The following ZNF844 variants were observed in gnomAD, a reference collection of about 807,000 sequenced individuals.
ZNF844 encodes the protein zinc finger protein 844.
ZNF844 carries 11 observed loss-of-function variants against 11.4 expected under a neutral mutation model. That is an observed-to-expected ratio of 0.97 (90% CI 0.61 to 1.60). The LOEUF is 1.60. Among genes scored for constraint, ZNF844 ranks in the 40% most tolerant of loss-of-function variants. ZNF844 has a pLI of 0.00. For missense variants in ZNF844, 790 were observed against 796.8 expected (o/e 0.99, Z 0.10); for synonymous variants, 248 against 260.3 (o/e 0.95, Z 0.46).
intron 1 of ZNF844, among the ~76,000 whole-genome samples, chr19:12,067,204 A>G (rs554017810): frequency 8.6e-5 from 13 of 151,706 alleles, no homozygotes; most frequent in African/African-American, 2.7e-4. Context: ...CCTCTCAAGT[A>G]AAATAATAAT....
intron 1 of ZNF844, among the ~76,000 whole-genome samples, chr19:12,068,469 A>T (rs867138914): frequency 3.8e-4 from 57 of 151,868 alleles, no homozygotes; most frequent in African/African-American, 1.3e-3. Context: ...CTATTAAAAA[A>T]ATATATACAA....
At chr19:12,075,049 G>T (rs1168256550) in intron 3 of ZNF844, among the ~76,000 whole-genome samples, 1 of 152,116 alleles carries the variant, frequency 6.6e-6, no homozygotes, top group Non-Finnish European at 1.5e-5. Flanking sequence ...CCTGGATAAT[G>T]TTGAAAGTGC....
In ZNF844 at chr19:12,077,427, C is replaced by A; in HGVS notation, c.*306C>A. 1 of 657,932 alleles carries A rather than the reference C, an allele frequency of 1.5e-6. No individual in the cohort carries two copies. Among genetic ancestry groups the A allele is most frequent in the Non-Finnish European group, 2.8e-6 (1 of 354,620 alleles). The allele number at this position is 657,932 out of a possible 1,614,324, so 40.8% of individuals were successfully genotyped here. ...AGCCTTCATGTCTTCTACTGCATTT[C>A]AGTATCATGAAAAGACCCACACCAG... is the stretch of plus-strand genomic sequence containing the variant. On this transcript the variant is annotated 3_prime_UTR_variant, in exon 4 of 4. Coordinates refer to ENST00000439326, the MANE Select transcript of ZNF844 (RefSeq NM_001136501.3).
At chr19:12,071,303 C>A (rs888071521) in intron 1 of ZNF844, among the ~76,000 whole-genome samples, 3 of 152,130 alleles carry the variant, frequency 2.0e-5, no homozygotes, top group Admixed American at 6.5e-5. Context: ...TTTCCATGTG[C>A]CCCGAGAATA....
At chr19:12,067,644 C>T (rs1420480894) in intron 1 of ZNF844, among the ~76,000 whole-genome samples, 3 of 142,688 alleles carry the variant, frequency 2.1e-5, no homozygotes, top group Non-Finnish European at 4.5e-5. Context: ...AGGCCGGGCG[C>T]GGTGGCTCAC....
chr19:12,080,432 G>GC lies in ZNF844; in HGVS notation c.*3311_*3312insC. On this transcript the variant is annotated 3_prime_UTR_variant, in exon 4 of 4. Transcript: ENST00000439326. ...GAGGATGTCATAATACAATTCACCAGTGTCCTATCTTACATGCAATTTCAA... is the reference window on the plus strand; with the variant it reads ...GAGGATGTCATAATACAATTCACCAGCTGTCCTATCTTACATGCAATTTCAA... 2.9e-6 allele frequency: 1 copy of GC among 347,346 alleles called. No homozygotes were observed. Among genetic ancestry groups the GC allele is most frequent in the Non-Finnish European group, 5.5e-6 (1 of 180,858 alleles). 21.5% of individuals were successfully genotyped at this position (347,346 alleles called of 1,614,324 possible). A position where few individuals can be genotyped will look rare whatever the true frequency, so the allele number is the denominator to read the frequency against.
Position 12,076,566 on chromosome 19 carries a change from A to C in ZNF844, c.1446A>C (p.Val482=). 6 of 1,611,708 alleles carry C rather than the reference A, an allele frequency of 3.7e-6. No homozygotes were observed. The highest frequency in any genetic ancestry group is 5.1e-6 in the Non-Finnish European group (6 of 1,179,108). The change falls in exon 4 of 4, where the codon GTA becomes GTC. Residue 482 remains valine (V), a synonymous_variant. Transcript: ENST00000439326. ...ACCCTATGAATGTAAGCAGTGTGGT[A>C]AAGCCTTCATTTTTTCCACTTCCTT... The part of the protein sequence containing the change: ...KRNPMNVSSV[V]KPSFFPLPFD...
chr19:12,076,808 T>C lies in ZNF844; in HGVS notation c.1688T>C (p.Met563Thr), dbSNP rs377408590. The change falls in exon 4 of 4, where the codon ATG (methionine) becomes ACG (threonine). Residue 563 changes from methionine to threonine, a missense_variant. Met to Thr is a moderately conservative substitution (Grantham distance 81). Around this residue, in one of 3 missense-constraint regions of ZNF844, gnomAD observed 657 missense variants for 636.2 expected, o/e 1.03. Transcript: ENST00000439326. Reference protein sequence around the residue: ...HTLERNPIRNMEKHSTISLPF... With the variant: ...HTLERNPIRNTEKHSTISLPF... ...CTGGAGAGAAACCCTATAAGGAATA[T>C]GGAAAAGCATTCAACAATTTCTCTT... The C allele has an allele frequency of 6.4e-7, 1 of 1,562,100 alleles. No individual in the cohort carries two copies. The highest frequency in any genetic ancestry group is 8.7e-7 in the Non-Finnish European group (1 of 1,152,608).
At position 12,075,830 on chromosome 19, in the gene ZNF844, C is replaced by G; in HGVS notation, c.710C>G (p.Ser237Ter). The G allele has an allele frequency of 6.2e-7, 1 of 1,610,384 alleles. No individual in the cohort carries two copies. Among genetic ancestry groups the G allele is most frequent in the Non-Finnish European group, 8.5e-7 (1 of 1,178,382 alleles). ...CAATGTGGTAAAGCCTTTAGTTATT[C>G]AACTTCCCTTCAAATACATGAAAGA... ...CKQCGKAFSYSTSLQIHERTH... is the reference protein window; with the variant it reads ...CKQCGKAFSY The change falls in exon 4 of 4, where the codon TCA becomes TGA. Residue 237 changes from serine to a stop codon, truncating the protein, a stop_gained. Coordinates refer to ENST00000439326, the MANE Select transcript of ZNF844 (RefSeq NM_001136501.3). LOFTEE classifies it low-confidence loss of function (END_TRUNC).
chr19:12,076,360 A>C lies in ZNF844; in HGVS notation c.1240A>C (p.Thr414Pro). The stretch of plus-strand genomic sequence containing the variant: ...TCCTTTCACTATCATGAAAGGACTC[A>C]CACTGGAGAGAAACCCTATGAATGT... ...PVPFTIMKGL[T>P]LERNPMNVSS... Residue 414 changes from threonine to proline, a missense_variant, in exon 4 of 4, where the codon ACA becomes CCA. Transcript: ENST00000439326. 1 of 1,610,410 alleles carries C rather than the reference A, an allele frequency of 6.2e-7. No individual in the cohort carries two copies. The highest frequency in any genetic ancestry group is 8.5e-7 in the Non-Finnish European group (1 of 1,177,064).
chr19:12,076,973 A>G lies in ZNF844; in HGVS notation c.1853A>G (p.Asn618Ser). ...GAGAGAAACCCTATGAATGTAAGGA[A>G]TGCGGAAAAGCGTTCAATTATTTTT... ...TLERNPMNVR[N>S]AEKRSIIFLL... The change falls in exon 4 of 4, where the codon AAT (asparagine) becomes AGT (serine). Residue 618 changes from asparagine to serine, a missense_variant. Around this residue, in one of 3 missense-constraint regions of ZNF844, gnomAD observed 657 missense variants for 636.2 expected, o/e 1.03. Transcript: ENST00000439326. 2 of 1,602,548 alleles carry G rather than the reference A, an allele frequency of 1.2e-6. No individual in the cohort carries two copies. Among genetic ancestry groups the G allele is most frequent in the Non-Finnish European group, 1.7e-6 (2 of 1,174,236 alleles).
intron 1 of ZNF844, among the ~76,000 whole-genome samples, chr19:12,069,251 C>T (rs1018824756): frequency 3.8e-5 from 5 of 131,844 alleles, no homozygotes; most frequent in Admixed American, 8.5e-5. Flanking sequence ...GGTGTGATCT[C>T]GGCTCACTGC....
At position 12,069,178 on chromosome 19, in the gene ZNF844, C is replaced by CGT. The variant is rs760998604; in HGVS notation, c.3+4302_3+4303insGT. ...TGACTTTTCTTTTTATTCTTTTATT[C>CGT]CTTTTTTTTTTTTTTTTTTTTTGAG... On this transcript the variant is annotated intron_variant, in intron 1 of 3. Transcript: ENST00000439326. Among the ~76,000 whole-genome samples the CGT allele has an allele frequency of 1.3e-3, 183 of 137,466 alleles. 8 individuals carry two copies. The highest frequency in any genetic ancestry group is 4.0e-3 in the African/African-American group (134 of 33,388). 90.2% of individuals were successfully genotyped at this position (137,466 alleles called of 152,430 possible). A position where few individuals can be genotyped will look rare whatever the true frequency, so the allele number is the denominator to read the frequency against.
In ZNF844 at chr19:12,067,912, A is replaced by G. The variant is rs183026953; in HGVS notation, c.3+3036A>G. On this transcript the variant is annotated intron_variant, in intron 1 of 3. Coordinates refer to ENST00000439326, the MANE Select transcript of ZNF844 (RefSeq NM_001136501.3). ...GGGCCACAGAGCGAGACTCTGTCTC[A>G]AAAAAAAGAAAGAAAGAAAGAAAGA... Among the ~76,000 whole-genome samples, 551 of 75,638 alleles carry G rather than the reference A, an allele frequency of 7.3e-3. 7 individuals carry two copies. The highest frequency in any genetic ancestry group is 0.03 in the African/African-American group (486 of 16,250). 49.6% of individuals were successfully genotyped at this position (75,638 alleles called of 152,430 possible).
chr19:12,071,533 G>C (rs1445883916), intron 1 of ZNF844, among the ~76,000 whole-genome samples: 1 of 152,140 alleles, frequency 6.6e-6, no homozygotes, highest in African/African-American at 2.4e-5. Flanking sequence ...TATGAATACT[G>C]TTCATGAGAG....
chr19:12,081,461 G>A lies in ZNF844; in HGVS notation c.*4340G>A, dbSNP rs917882034. ...TTTGGCAACCAAGATTTCTGTACAT[G>A]TGTCATAGAAATAGTTGAACTTTTC... On this transcript the variant is annotated 3_prime_UTR_variant, in exon 4 of 4. Coordinates refer to ENST00000439326, the MANE Select transcript of ZNF844 (RefSeq NM_001136501.3). The A allele has an allele frequency of 6.6e-6, 1 of 152,152 alleles. No homozygotes were observed. Among genetic ancestry groups the A allele is most frequent in the African/African-American group, 2.4e-5 (1 of 41,430 alleles). The allele number at this position is 152,152 out of a possible 1,614,324, so 9.4% of individuals were successfully genotyped here. A position where few individuals can be genotyped will look rare whatever the true frequency, so the allele number is the denominator to read the frequency against.
At position 12,076,984 on chromosome 19, in the gene ZNF844, C is replaced by T. The variant is rs548726863; in HGVS notation, c.1864C>T (p.Arg622Cys). Residue 622 changes from arginine (R) to cysteine (C), a missense_variant, in exon 4 of 4, where the codon CGT becomes TGT. Coordinates refer to ENST00000439326, the MANE Select transcript of ZNF844 (RefSeq NM_001136501.3). ...NPMNVRNAEK[R>C]SIIFLLCVYT... Reference sequence around the variant, plus strand: ...TATGAATGTAAGGAATGCGGAAAAGCGTTCAATTATTTTTCTTCTTTGCGT... The same window carrying T: ...TATGAATGTAAGGAATGCGGAAAAGTGTTCAATTATTTTTCTTCTTTGCGT... 170 of 1,600,934 alleles carry T rather than the reference C, an allele frequency of 1.1e-4. 2 individuals are homozygous for T. The East Asian group carries it at 1.3e-3, about 12-fold the overall frequency.
chr19:12,066,421 T>TCGCTCCC (rs2145540416), intron 1 of ZNF844, among the ~76,000 whole-genome samples: 1 of 151,820 alleles, frequency 6.6e-6, no homozygotes, highest in Admixed American at 6.6e-5. Context: ...AGGCTCCTCA[T>TCGCTCCC]CGCTCCCCAC....
Position 12,076,094 on chromosome 19 carries a change from G to A in ZNF844, c.974G>A (p.Cys325Tyr). The change falls in exon 4 of 4, where the codon TGT (cysteine) becomes TAT (tyrosine). Residue 325 changes from cysteine to tyrosine, a missense_variant. Coordinates refer to ENST00000439326, the MANE Select transcript of ZNF844 (RefSeq NM_001136501.3). The stretch of plus-strand genomic sequence containing the variant: ...GCATTCAAGTGTCCCAGTTATCTTT[G>A]TAGACATGAAGTGACCCACTCTGGG... Reference protein sequence around the residue: ...GKAFKCPSYLCRHEVTHSGKK... With the variant: ...GKAFKCPSYLYRHEVTHSGKK... 3.2e-6 allele frequency: 5 copies of A among 1,566,266 alleles called. No homozygotes were observed. Among genetic ancestry groups the A allele is most frequent in the Non-Finnish European group, 4.3e-6 (5 of 1,154,694 alleles).
Sources: gnomAD v4.1 joint callset for allele counts (sites outside exome capture counted in the v4.1 genomes callset) on GRCh38, gnomAD v4.1.1 for gene constraint, gnomAD v4.1.1 regional missense constraint, MANE v1.5 for transcripts, NCBI Gene and HGNC (gene_info 2026-07-23, HGNC 2026-07-21) for gene names.